The following HERPUD2 variants were observed in gnomAD, a reference collection of about 807,000 sequenced individuals.
HERPUD2 encodes HERPUD family member 2.
HERPUD2 carries 13 observed loss-of-function variants against 49.9 expected under a neutral mutation model. The observed-to-expected ratio is 0.26, with a 90% CI of 0.17 to 0.41. The LOEUF (loss-of-function observed/expected upper bound fraction) is 0.41, where lower values mean the gene tolerates loss of function less well. Ranked by LOEUF, HERPUD2 falls within the 10% of genes least tolerant of loss-of-function variation. The pLI is 1.00. For synonymous variants in HERPUD2, 172 were observed against 171.4 expected (o/e 1.00, Z -0.03); for missense variants, 449 against 492.2 (o/e 0.91, Z 0.83).
At chr7:35,686,439 G>A (rs573630790) in intron 2 of HERPUD2, among the ~76,000 whole-genome samples, 6 of 129,722 alleles carry the variant, frequency 4.6e-5, no homozygotes, top group African/African-American at 1.8e-4. Flanking sequence ...CGCCCACCTC[G>A]GCCTCCCAAA....
intron 2 of HERPUD2, 47 bp from the exon 3 acceptor site, chr7:35,673,325 A>C: frequency 6.9e-7 from 1 of 1,451,822 alleles, no homozygotes; most frequent in Non-Finnish European, 9.6e-7. Context: ...TAATTATGCA[A>C]ATTGAAGGTT....
chr7:35,686,475 A>C (rs62454604), intron 2 of HERPUD2, among the ~76,000 whole-genome samples: 4 of 149,276 alleles, frequency 2.7e-5, no homozygotes, highest in African/African-American at 9.8e-5. Context: ...GCGTCAGCGC[A>C]GCGCCCGGCC....
intron 2 of HERPUD2, among the ~76,000 whole-genome samples, chr7:35,682,825 C>A (rs1465610082): frequency 6.4e-4 from 82 of 129,116 alleles, no homozygotes; most frequent in Admixed American, 6.2e-4. Context: ...ACAACAGCTG[C>A]AAAAAAAAAA....
intron 2 of HERPUD2, 25 bp downstream of exon 2, chr7:35,694,159 C>A (rs757862213): frequency 6.2e-7 from 1 of 1,613,698 alleles, no homozygotes; most frequent in Non-Finnish European, 8.5e-7. Flanking sequence ...GTCAGAGCAG[C>A]TGCCCCCAGC....
chr7:35,638,496 C>T, intron 5 of HERPUD2, 24 bp from the exon 6 acceptor site: 1 of 1,605,772 alleles, frequency 6.2e-7, no homozygotes. Context: ...ATAATGAGCT[C>T]TTTTAATGCT....
intron 5 of HERPUD2, among the ~76,000 whole-genome samples, chr7:35,645,229 A>G (rs913431541): frequency 6.6e-6 from 1 of 152,196 alleles, no homozygotes; most frequent in African/African-American, 2.4e-5. Flanking sequence ...GTTTAACCTA[A>G]ATATCCATCA....
chr7:35,644,645 T>C (rs1378503492), intron 5 of HERPUD2, among the ~76,000 whole-genome samples: 1 of 151,984 alleles, frequency 6.6e-6, no homozygotes, highest in Admixed American at 6.6e-5. Context: ...CGTGTGCCTA[T>C]AGTCCCAGCT....
chr7:35,635,813 A>G (rs1441174146), intron 6 of HERPUD2, among the ~76,000 whole-genome samples: 1 of 152,226 alleles, frequency 6.6e-6, no homozygotes. Flanking sequence ...GTTATTCTAC[A>G]TGGGATGAAT....
At position 35,665,137 on chromosome 7, in the gene HERPUD2, T is replaced by C. The variant is rs149772908; in HGVS notation, c.494+2297A>G. Among the ~76,000 whole-genome samples the C allele has an allele frequency of 7.9e-3, 1,198 of 152,338 alleles. 18 individuals are homozygous for C. Among genetic ancestry groups the C allele is most frequent in the African/African-American group, 0.027 (1,141 of 41,574 alleles). ...CAGTGCTGGGAGAACCACTACTCTC[T>C]TCAAAGCTGTCACACAGGGACATTT... On this transcript the variant is annotated intron_variant, in intron 5 of 8. Transcript: ENST00000311350.
At chr7:35,661,282 C>A (rs1785415380) in intron 5 of HERPUD2, among the ~76,000 whole-genome samples, 1 of 152,162 alleles carries the variant, frequency 6.6e-6, no homozygotes, top group Non-Finnish European at 1.5e-5. Context: ...GTTACTGTAG[C>A]CTTGTAGTAT....
chr7:35,646,007 C>T (rs981245574), intron 5 of HERPUD2, among the ~76,000 whole-genome samples: 3 of 152,152 alleles, frequency 2.0e-5, no homozygotes, highest in Non-Finnish European at 4.4e-5. Flanking sequence ...TACTGTCTCT[C>T]TGACCAGTCT....
chr7:35,671,260 G>T (rs1785638573), intron 3 of HERPUD2, among the ~76,000 whole-genome samples: 2 of 151,988 alleles, frequency 1.3e-5, no homozygotes, highest in South Asian at 4.1e-4. Context: ...TTGTTAAGAG[G>T]GTAGACTAGT....
At chr7:35,650,429 A>G (rs1785139706) in intron 5 of HERPUD2, among the ~76,000 whole-genome samples, 1 of 152,094 alleles carries the variant, frequency 6.6e-6, no homozygotes, top group Non-Finnish European at 1.5e-5. Flanking sequence ...AGGAGACCAC[A>G]TGAAGGCACT....
chr7:35,641,035 C>T (rs1292304795), intron 5 of HERPUD2, among the ~76,000 whole-genome samples: 1 of 151,936 alleles, frequency 6.6e-6, no homozygotes, highest in African/African-American at 2.4e-5. Context: ...GAAAAAAAAT[C>T]AACATATTTG....
intron 5 of HERPUD2, among the ~76,000 whole-genome samples, chr7:35,651,689 T>G (rs73094473): frequency 1.3e-5 from 2 of 151,468 alleles, no homozygotes; most frequent in Non-Finnish European, 2.9e-5. Context: ...CAAGGAAATA[T>G]GACACTTCCA....
chr7:35,672,512 T>C (rs1185135155), intron 3 of HERPUD2, among the ~76,000 whole-genome samples: 1 of 151,908 alleles, frequency 6.6e-6, no homozygotes, highest in African/African-American at 2.4e-5. Context: ...CTAAATTAGA[T>C]AAGGAATATC....
chr7:35,694,894 C>T lies in HERPUD2; in HGVS notation c.-391G>A, dbSNP rs1460976758. 1 of 152,684 alleles carries T rather than the reference C, an allele frequency of 6.5e-6. No individual in the cohort carries two copies. Among genetic ancestry groups the T allele is most frequent in the African/African-American group, 2.4e-5 (1 of 41,472 alleles). The allele number at this position is 152,684 out of a possible 1,614,324, so 9.5% of individuals were successfully genotyped here. A position where few individuals can be genotyped will look rare whatever the true frequency, so the allele number is the denominator to read the frequency against. On this transcript the variant is annotated 5_prime_UTR_variant, in exon 1 of 9. Coordinates refer to ENST00000311350, the MANE Select transcript of HERPUD2 (RefSeq NM_022373.5). ...CCGGCCAGGCGTTTTCCGTGGCAGC[C>T]GCTCCCTTCCTGCTGCGCGGCGACC...
At position 35,694,612 on chromosome 7, in the gene HERPUD2, G is replaced by C; in HGVS notation, c.-282C>G. 4.5e-6 allele frequency: 2 copies of C among 444,868 alleles called. No individual in the cohort carries two copies. Among genetic ancestry groups the C allele is most frequent in the Non-Finnish European group, 8.3e-6 (2 of 241,586 alleles). The allele number at this position is 444,868 out of a possible 1,614,324, so 27.6% of individuals were successfully genotyped here. The stretch of plus-strand genomic sequence containing the variant: ...CGGGCTCCGGACTGTGGAGGCCGTC[G>C]TGAGGAGAAAGGAAGCTATACGAAG... On this transcript the variant is annotated 5_prime_UTR_variant, in exon 2 of 9. Coordinates refer to ENST00000311350, the MANE Select transcript of HERPUD2 (RefSeq NM_022373.5).
chr7:35,639,320 C>T (rs1784927758), intron 5 of HERPUD2, among the ~76,000 whole-genome samples: 1 of 152,116 alleles, frequency 6.6e-6, no homozygotes, highest in South Asian at 2.1e-4. Flanking sequence ...AGACATGAGC[C>T]ACTGCGCCTG....
Sources: allele counts gnomAD v4.1 joint callset (sites outside exome capture counted in the v4.1 genomes callset), GRCh38; gene constraint gnomAD v4.1.1; transcripts MANE v1.5; gene names NCBI Gene and HGNC (gene_info 2026-07-23, HGNC 2026-07-21).